PXDNL: variants seen among roughly 807,000 people sequenced by gnomAD.
PXDNL encodes peroxidasin like.
PXDNL carries 145 observed loss-of-function variants against 150.8 expected under a neutral mutation model. The ratio of observed to expected loss-of-function variants is 0.96; its 90% CI spans 0.84 to 1.10. PXDNL has a LOEUF of 1.10. Among genes scored for constraint, PXDNL ranks in the 50% least tolerant of loss-of-function variants. The probability of loss-of-function intolerance (pLI) is 0.00; values close to 1 mark genes in which losing one functional copy is unlikely to be tolerated. For missense variants in PXDNL, 2,087 were observed against 1,873.9 expected, an observed-to-expected ratio of 1.11 and a Z score of -2.10; for synonymous variants, 757 against 725.7, an observed-to-expected ratio of 1.04 and a Z score of -0.69.
At chr8:51,479,166 T>C (rs1810547626) in intron 6 of PXDNL, among the ~76,000 whole-genome samples, 1 of 152,138 alleles carries the variant, frequency 6.6e-6, no homozygotes, top group Admixed American at 6.5e-5. Context: ...GCTACTAAGA[T>C]TTAACATGAA....
chr8:51,431,605 G>A (rs143726504), intron 12 of PXDNL, among the ~76,000 whole-genome samples: 1 of 152,146 alleles, frequency 6.6e-6, no homozygotes, highest in African/African-American at 2.4e-5. Context: ...CAGGGTTTTT[G>A]TGTAACCCAG....
intron 1 of PXDNL, among the ~76,000 whole-genome samples, chr8:51,799,302 G>C (rs2037594409): frequency 2.0e-5 from 3 of 152,250 alleles, no homozygotes; most frequent in Admixed American, 2.0e-4. Flanking sequence ...ATACCTAGGT[G>C]ATGGGTTGAT....
intron 2 of PXDNL, among the ~76,000 whole-genome samples, chr8:51,619,618 G>A (rs150374688): frequency 2.0e-5 from 3 of 152,170 alleles, no homozygotes; most frequent in East Asian, 1.9e-4. Context: ...GCACCTCCCC[G>A]CTTTCTCTTC....
At chr8:51,744,659 G>A (rs2036955437) in intron 1 of PXDNL, among the ~76,000 whole-genome samples, 3 of 90,520 alleles carry the variant, frequency 3.3e-5, no homozygotes, top group Non-Finnish European at 5.9e-5. Context: ...CTGGGTACTT[G>A]AGCAAGACTC....
At chr8:51,654,618 C>T in intron 2 of PXDNL, 71 bp downstream of exon 2, 2 of 1,170,786 alleles carry the variant, frequency 1.7e-6, no homozygotes, top group South Asian at 2.5e-5. Context: ...CTCAGAATGA[C>T]TTTCACGGTA....
At chr8:51,797,352 G>T (rs980479358) in intron 1 of PXDNL, among the ~76,000 whole-genome samples, 1 of 152,096 alleles carries the variant, frequency 6.6e-6, no homozygotes, top group Non-Finnish European at 1.5e-5. Flanking sequence ...AGAAATAAAG[G>T]GTATTCAAAC....
At chr8:51,402,904 TACACACACACACACACAC>T (rs55768775) in intron 17 of PXDNL, among the ~76,000 whole-genome samples, 3 of 146,170 alleles carry the variant, frequency 2.1e-5, no homozygotes, top group East Asian at 4.1e-4. Flanking sequence ...CTACTAAAAA[TACACACACACACACACAC>T]ACACACACAC....
chr8:51,571,405 G>A (rs2130593523), intron 3 of PXDNL, among the ~76,000 whole-genome samples: 1 of 151,860 alleles, frequency 6.6e-6, no homozygotes, highest in South Asian at 2.1e-4. Flanking sequence ...TAAATAATTT[G>A]ATAAGAATTT....
intron 3 of PXDNL, among the ~76,000 whole-genome samples, chr8:51,577,410 GTATT>G (rs1321484194): frequency 2.0e-5 from 3 of 150,962 alleles, no homozygotes; most frequent in Admixed American, 2.0e-4. Context: ...ATATATGTAT[GTATT>G]TGTGTATATA....
intron 21 of PXDNL, among the ~76,000 whole-genome samples, chr8:51,321,784 G>A (rs1187100913): frequency 6.6e-6 from 1 of 152,078 alleles, no homozygotes; most frequent in Non-Finnish European, 1.5e-5. Context: ...CCCAGTGTCA[G>A]GTAGTTCTTT....
intron 1 of PXDNL, among the ~76,000 whole-genome samples, chr8:51,725,842 G>A (rs1441888952): frequency 3.3e-5 from 5 of 152,068 alleles, no homozygotes; most frequent in Non-Finnish European, 5.9e-5. Context: ...TAAGACACAG[G>A]TCATCTTACA....
intron 3 of PXDNL, among the ~76,000 whole-genome samples, chr8:51,583,815 A>G (rs1404608347): frequency 6.6e-6 from 1 of 152,158 alleles, no homozygotes; most frequent in Non-Finnish European, 1.5e-5. Context: ...TGAAAACTAA[A>G]ATTTCTTAAT....
intron 1 of PXDNL, among the ~76,000 whole-genome samples, chr8:51,786,806 G>T (rs2037464472): frequency 1.3e-5 from 2 of 152,208 alleles, no homozygotes; most frequent in African/African-American, 2.4e-5. Context: ...GAAACAGCCT[G>T]CTATTGGAAA....
intron 21 of PXDNL, among the ~76,000 whole-genome samples, chr8:51,335,682 T>TACACACAC (rs3040925): frequency 0.065 from 8,900 of 137,460 alleles, 574 homozygotes; most frequent in East Asian, 0.15. Flanking sequence ...TTATATACCC[T>TACACACAC]ACACACACAC....
At chr8:51,478,830 G>A (rs918471446) in intron 6 of PXDNL, among the ~76,000 whole-genome samples, 1 of 152,196 alleles carries the variant, frequency 6.6e-6, no homozygotes, top group African/African-American at 2.4e-5. Flanking sequence ...TTGAGGATTT[G>A]GAATAAACAG....
chr8:51,636,801 C>CT (rs35542860), intron 2 of PXDNL, among the ~76,000 whole-genome samples: 2,973 of 146,584 alleles, frequency 0.02, 88 homozygotes, highest in African/African-American at 0.064. Context: ...TTTCCAATGA[C>CT]TTTTTTTTTT....
intron 2 of PXDNL, among the ~76,000 whole-genome samples, chr8:51,593,899 C>A (rs1482425582): frequency 6.6e-6 from 1 of 152,186 alleles, no homozygotes; most frequent in Non-Finnish European, 1.5e-5. Flanking sequence ...AGTCAATGAG[C>A]CATTCAACTT....
chr8:51,491,864 T>C (rs970253392), intron 5 of PXDNL, among the ~76,000 whole-genome samples: 2 of 152,358 alleles, frequency 1.3e-5, no homozygotes, highest in Admixed American at 6.5e-5. Context: ...TGATGCTAAA[T>C]CTTGAACAAT....
chr8:51,413,337 T>A, intron 14 of PXDNL, 79 bp from the exon 15 acceptor site: 4 of 795,312 alleles, frequency 5.0e-6, no homozygotes, highest in Non-Finnish European at 6.3e-6. Context: ...TGGCATTACA[T>A]TTTTAAATGT....
Sources: gnomAD v4.1 joint callset for allele counts (sites outside exome capture counted in the v4.1 genomes callset) on GRCh38, gnomAD v4.1.1 for gene constraint, MANE v1.5 for transcripts, NCBI Gene and HGNC (gene_info 2026-07-23, HGNC 2026-07-21) for gene names.